DGKB: variants seen among roughly 807,000 people sequenced by gnomAD.
DGKB encodes diacylglycerol kinase beta, also known as 90 kDa diacylglycerol kinase.
A neutral mutation model predicts 114.3 loss-of-function variants in DGKB; 67 were observed. The observed-to-expected ratio is 0.59, with a 90% confidence interval of 0.48 to 0.72. The LOEUF is 0.72. Among genes scored for constraint, DGKB ranks in the 30% least tolerant of loss-of-function variants. The pLI is 0.00. For missense variants in DGKB, 907 were observed against 975.2 expected, an observed-to-expected ratio of 0.93 and a Z score of 0.93; for synonymous variants, 398 against 323.1, an observed-to-expected ratio of 1.23 and a Z score of -2.49.
At chr7:14,229,089 G>T (rs1248358303) in intron 23 of DGKB, among the ~76,000 whole-genome samples, 2 of 151,840 alleles carry the variant, frequency 1.3e-5, no homozygotes, top group African/African-American at 2.4e-5. Flanking sequence ...AACAAATTTT[G>T]CATTAGCCCA....
chr7:14,674,370 T>C (rs1819503721), intron 12 of DGKB, among the ~76,000 whole-genome samples: 1 of 152,144 alleles, frequency 6.6e-6, no homozygotes, highest in Non-Finnish European at 1.5e-5. Context: ...AATAAACTGA[T>C]ACTCAGAGCA....
Position 14,672,952 on chromosome 7 carries a change from T to C in DGKB, c.1111A>G (p.Thr371Ala). 1.9e-6 allele frequency: 3 copies of C among 1,572,650 alleles called. No individual in the cohort carries two copies. The highest frequency in any genetic ancestry group is 2.6e-6 in the Non-Finnish European group (3 of 1,156,812). The change falls in exon 13 of 26, where the codon ACA (threonine) becomes GCA (alanine). Residue 371 changes from threonine to alanine, a missense_variant. This residue lies in a region of DGKB where 814 missense variants were observed against 856.6 expected (regional missense o/e 0.95). Transcript: ENST00000402815. ...GPLKDHILPPTTICPVVLTLP... is the reference protein window; with the variant it reads ...GPLKDHILPPATICPVVLTLP... Reference sequence around the variant, plus strand: ...ACCAGTACCACTGGACAGATTGTTGTGGGTGGTAAAATATGGTCCTTCAAA... The same window carrying C: ...ACCAGTACCACTGGACAGATTGTTGCGGGTGGTAAAATATGGTCCTTCAAA...
Position 14,718,582 on chromosome 7 carries a change from C to A in DGKB, c.426G>T (p.Leu142=). 1 of 1,612,864 alleles carries A rather than the reference C, an allele frequency of 6.2e-7. No homozygotes were observed. The stretch of plus-strand genomic sequence containing the variant: ...CAGGTCTTCCTCTTTCAAGCAGAGA[C>A]AGGTAACAGACAATGTCCTTCAGAT... ...VIHLKDIVCY[L]SLLERGRPED... The change falls in exon 6 of 26, where the codon CTG becomes CTT. Residue 142 remains leucine (L), a synonymous_variant. Transcript: ENST00000402815.
At chr7:14,234,202 T>A (rs1002813880) in intron 23 of DGKB, among the ~76,000 whole-genome samples, 15 of 151,948 alleles carry the variant, frequency 9.9e-5, no homozygotes, top group Non-Finnish European at 1.6e-4. Context: ...GATAAAAGAA[T>A]CCTCTCCTCC....
chr7:14,193,255 A>C (rs1784567852), intron 23 of DGKB, among the ~76,000 whole-genome samples: 1 of 152,318 alleles, frequency 6.6e-6, no homozygotes, highest in African/African-American at 2.4e-5. Flanking sequence ...AGCAAAAAGA[A>C]CAAAGTGGAA....
intron 17 of DGKB, among the ~76,000 whole-genome samples, chr7:14,599,618 T>A (rs915336279): frequency 3.9e-5 from 6 of 152,194 alleles, no homozygotes; most frequent in African/African-American, 1.4e-4. Context: ...CCTGCTAATA[T>A]ATGTATATTT....
intron 2 of DGKB, among the ~76,000 whole-genome samples, chr7:14,764,335 T>C (rs1385829983): frequency 6.6e-6 from 1 of 152,056 alleles, no homozygotes; most frequent in African/African-American, 2.4e-5. Flanking sequence ...ATTGTATTAA[T>C]TGTTGTGCAG....
chr7:14,538,330 G>A (rs1043397760), intron 20 of DGKB, among the ~76,000 whole-genome samples: 1 of 152,064 alleles, frequency 6.6e-6, no homozygotes, highest in South Asian at 2.1e-4. Flanking sequence ...GAAAGGACTT[G>A]AACAGACATT....
chr7:14,181,987 G>T (rs570252993), intron 23 of DGKB, among the ~76,000 whole-genome samples: 1 of 152,142 alleles, frequency 6.6e-6, no homozygotes, highest in African/African-American at 2.4e-5. Context: ...CTTAACACAT[G>T]GTCTGTGAAT....
chr7:14,582,201 C>T (rs1021393382), intron 18 of DGKB, among the ~76,000 whole-genome samples: 2 of 151,934 alleles, frequency 1.3e-5, no homozygotes, highest in Non-Finnish European at 2.9e-5. Flanking sequence ...GAAATGAGAC[C>T]AAAAAGAGTC....
chr7:14,929,272 T>C (rs1034764710), intron 1 of DGKB, among the ~76,000 whole-genome samples: 3 of 152,112 alleles, frequency 2.0e-5, no homozygotes, highest in African/African-American at 7.2e-5. Flanking sequence ...TTGAATAAAT[T>C]GGGAGTTCAA....
chr7:14,362,856 G>A (rs1199526691), intron 21 of DGKB, among the ~76,000 whole-genome samples: 1 of 152,014 alleles, frequency 6.6e-6, no homozygotes, highest in Admixed American at 6.6e-5. Context: ...TTCCTTCTAT[G>A]CAGTGAGACT....
At chr7:14,240,062 A>G (rs915758882) in intron 23 of DGKB, among the ~76,000 whole-genome samples, 14 of 152,086 alleles carry the variant, frequency 9.2e-5, no homozygotes, top group African/African-American at 2.4e-5. Context: ...GAAACATGTG[A>G]CAAAGTGGAG....
intron 13 of DGKB, among the ~76,000 whole-genome samples, chr7:14,639,078 A>C (rs1422155976): frequency 3.3e-5 from 5 of 151,896 alleles, no homozygotes; most frequent in Non-Finnish European, 7.4e-5. Flanking sequence ...ATTAAAAAAA[A>C]CACGAAGTGA....
At chr7:14,312,699 T>G (rs1284860700) in intron 23 of DGKB, among the ~76,000 whole-genome samples, 1 of 152,188 alleles carries the variant, frequency 6.6e-6, no homozygotes, top group East Asian at 1.9e-4. Flanking sequence ...AAGGTACTGA[T>G]GGTAAAATTA....
intron 2 of DGKB, among the ~76,000 whole-genome samples, chr7:14,827,108 C>T (rs1845804137): frequency 6.6e-6 from 1 of 152,074 alleles, no homozygotes; most frequent in Admixed American, 6.6e-5. Context: ...GGAAGGGAAA[C>T]AGAAGAAAGA....
intron 1 of DGKB, among the ~76,000 whole-genome samples, chr7:14,953,637 C>A (rs996224706): frequency 3.9e-5 from 6 of 152,106 alleles, no homozygotes; most frequent in African/African-American, 1.4e-4. Context: ...AACATTTTGG[C>A]AGATCCTCAG....
intron 20 of DGKB, among the ~76,000 whole-genome samples, chr7:14,511,656 T>G (rs562202108): frequency 1.9e-3 from 284 of 152,330 alleles, no homozygotes; most frequent in African/African-American, 6.6e-3. Flanking sequence ...AATAACTGTT[T>G]GGCTCAAGCG....
chr7:14,434,473 T>C (rs140300557), intron 21 of DGKB, among the ~76,000 whole-genome samples: 111 of 152,190 alleles, frequency 7.3e-4, no homozygotes, highest in African/African-American at 2.3e-3. Flanking sequence ...AGTTATGCAA[T>C]GTGAGATGAG....
Sources: gnomAD v4.1 joint callset for allele counts (sites outside exome capture counted in the v4.1 genomes callset) on GRCh38, gnomAD v4.1.1 for gene constraint, gnomAD v4.1.1 regional missense constraint, MANE v1.5 for transcripts, NCBI Gene and HGNC (gene_info 2026-07-23, HGNC 2026-07-21) for gene names.